TTC7A: variants seen among roughly 807,000 people sequenced by gnomAD.
The protein encoded by TTC7A is tetratricopeptide repeat domain 7A.
In TTC7A, 110 loss-of-function variants were observed where a neutral mutation model predicts 103.7. The ratio of observed to expected loss-of-function variants is 1.06; its 90% CI spans 0.91 to 1.24. TTC7A has a LOEUF of 1.24. Ranked by LOEUF, TTC7A falls within the 50% of genes most tolerant of loss-of-function variation. The pLI is 0.00. For missense variants in TTC7A, 1,340 were observed against 1,116.3 expected (o/e 1.20, Z -2.86); for synonymous variants, 521 against 467.9 (o/e 1.11, Z -1.47).
intron 19 of TTC7A, among the ~76,000 whole-genome samples, chr2:47,072,066 G>T (rs1005256443): frequency 1.3e-5 from 2 of 152,170 alleles, no homozygotes; most frequent in Non-Finnish European, 2.9e-5. Context: ...CCTGTGGGCC[G>T]TGTTCCATTG....
At chr2:47,021,224 G>A (rs2104543792) in intron 11 of TTC7A, among the ~76,000 whole-genome samples, 1 of 152,286 alleles carries the variant, frequency 6.6e-6, no homozygotes. Flanking sequence ...CATGACAAAG[G>A]CCCCTGGCTA....
intron 3 of TTC7A, among the ~76,000 whole-genome samples, chr2:46,967,911 C>T (rs1310200804): frequency 6.6e-6 from 1 of 151,968 alleles, no homozygotes; most frequent in East Asian, 1.9e-4. Flanking sequence ...CATTTTTTCG[C>T]TTCTTCCCGT....
intron 3 of TTC7A, among the ~76,000 whole-genome samples, chr2:46,967,630 A>G (rs1428410306): frequency 6.6e-6 from 1 of 152,002 alleles, no homozygotes; most frequent in Admixed American, 6.5e-5. Flanking sequence ...GTATGTATGT[A>G]TATGTGGCAT....
intron 15 of TTC7A, among the ~76,000 whole-genome samples, chr2:47,031,950 C>T (rs967594528): frequency 2.0e-5 from 3 of 152,224 alleles, no homozygotes; most frequent in Admixed American, 2.0e-4. Flanking sequence ...AGGGGTGCCT[C>T]CTGCGTTCAT....
chr2:47,029,776 T>C (rs1331644216), intron 15 of TTC7A, among the ~76,000 whole-genome samples: 1 of 152,174 alleles, frequency 6.6e-6, no homozygotes, highest in Non-Finnish European at 1.5e-5. Context: ...AGGATGGGAT[T>C]CTAACATGAG....
intron 3 of TTC7A, among the ~76,000 whole-genome samples, chr2:46,959,059 G>A (rs537562958): frequency 2.6e-5 from 4 of 152,310 alleles, no homozygotes; most frequent in East Asian, 1.9e-4. Flanking sequence ...TGACTCATGC[G>A]CGGATCTCAC....
chr2:47,067,586 T>TGAGAG (rs1469940046), intron 19 of TTC7A, among the ~76,000 whole-genome samples: 1 of 152,210 alleles, frequency 6.6e-6, no homozygotes, highest in Non-Finnish European at 1.5e-5. Context: ...GAGCTGGCTC[T>TGAGAG]GGAGGAGGCA....
At chr2:47,021,825 A>G (rs369316158) in intron 11 of TTC7A, 37 bp from the exon 12 acceptor site, 101 of 1,573,566 alleles carry the variant, frequency 6.4e-5, no homozygotes, top group Non-Finnish European at 8.3e-5. Context: ...GGAAACTCCA[A>G]CCCCACCTCC....
At chr2:47,041,931 G>A (rs186828001) in intron 15 of TTC7A, among the ~76,000 whole-genome samples, 101 of 151,624 alleles carry the variant, frequency 6.7e-4, no homozygotes, top group African/African-American at 2.4e-3. Context: ...GAAAAAAAAC[G>A]TATTTAATTA....
chr2:47,069,209 A>C (rs1684452942), intron 19 of TTC7A, among the ~76,000 whole-genome samples: 1 of 152,116 alleles, frequency 6.6e-6, no homozygotes, highest in Non-Finnish European at 1.5e-5. Context: ...CACTGGCCAG[A>C]GGAGACGGCT....
At chr2:47,054,692 G>A (rs554440249) in intron 18 of TTC7A, among the ~76,000 whole-genome samples, 1 of 152,160 alleles carries the variant, frequency 6.6e-6, no homozygotes, top group East Asian at 1.9e-4. Context: ...AAAATTATCT[G>A]GGCATGGTGG....
chr2:46,983,511 G>A (rs1489017440), intron 5 of TTC7A, among the ~76,000 whole-genome samples: 4 of 152,196 alleles, frequency 2.6e-5, no homozygotes, highest in Admixed American at 1.3e-4. Flanking sequence ...GAGTCTGGGG[G>A]ACCCAAAGAG....
At chr2:46,931,728 T>G (rs1387157707) in intron 2 of TTC7A, among the ~76,000 whole-genome samples, 1 of 122,896 alleles carries the variant, frequency 8.1e-6, no homozygotes, top group African/African-American at 3.7e-5. Context: ...ATAAATAAAA[T>G]TGATAAATCC....
Position 46,993,620 on chromosome 2 carries a change from G to A in TTC7A, c.843+92G>A, listed in dbSNP as rs983028806. Reference sequence around the variant, plus strand: ...CTTGCAGGGAGCCTGTGAAGCAGGGGTGGCAGTAGGTCTCCTGCCTGCTTG... The same window carrying A: ...CTTGCAGGGAGCCTGTGAAGCAGGGATGGCAGTAGGTCTCCTGCCTGCTTG... On this transcript the variant is annotated intron_variant, in intron 6 of 19. Transcript: ENST00000319190. The A allele has an allele frequency of 2.0e-5, 24 of 1,180,216 alleles. No individual in the cohort carries two copies. The Admixed American group carries it at 4.0e-4, about 20-fold the overall frequency. The allele number at this position is 1,180,216 out of a possible 1,614,324, so 73.1% of individuals were successfully genotyped here.
At chr2:47,051,259 A>G (rs1201296470) in intron 17 of TTC7A, among the ~76,000 whole-genome samples, 1 of 152,142 alleles carries the variant, frequency 6.6e-6, no homozygotes, top group African/African-American at 2.4e-5. Flanking sequence ...CCATGCCCAT[A>G]TTTCTTTTTT....
intron 18 of TTC7A, among the ~76,000 whole-genome samples, chr2:47,059,128 T>C (rs1182064212): frequency 2.1e-5 from 3 of 142,488 alleles, no homozygotes; most frequent in East Asian, 4.6e-4. Context: ...TTCAATGAAC[T>C]CTCTGCCTCA....
chr2:46,983,050 T>C (rs1674633382), intron 5 of TTC7A, among the ~76,000 whole-genome samples: 1 of 152,254 alleles, frequency 6.6e-6, no homozygotes, highest in South Asian at 2.1e-4. Context: ...TCATTTGTTT[T>C]ATTATTTTTG....
chr2:47,070,207 C>G (rs548812401), intron 19 of TTC7A, among the ~76,000 whole-genome samples: 1 of 152,258 alleles, frequency 6.6e-6, no homozygotes, highest in Non-Finnish European at 1.5e-5. Context: ...CCCCTCATCC[C>G]CTCCCAGGCC....
chr2:46,973,029 T>C (rs1673509462), intron 3 of TTC7A, among the ~76,000 whole-genome samples: 1 of 152,158 alleles, frequency 6.6e-6, no homozygotes, highest in Non-Finnish European at 1.5e-5. Flanking sequence ...CCAGATAGTA[T>C]TATGGTAAAA....
Sources: allele counts gnomAD v4.1 joint callset (sites outside exome capture counted in the v4.1 genomes callset), GRCh38; gene constraint gnomAD v4.1.1; transcripts MANE v1.5; gene names NCBI Gene and HGNC (gene_info 2026-07-23, HGNC 2026-07-21).